Variants in NPHS1 observed in about 807,000 individuals in gnomAD.
NPHS1 encodes nephrin.
A neutral mutation model predicts 139.7 loss-of-function variants in NPHS1; 107 were observed. The ratio of observed to expected loss-of-function variants is 0.77; its 90% confidence interval spans 0.66 to 0.90. The LOEUF (loss-of-function observed/expected upper bound fraction) is 0.90. Ranked by LOEUF, NPHS1 falls within the 40% of genes least tolerant of loss-of-function variation. The pLI, the probability that NPHS1 is intolerant of heterozygous loss-of-function variation, is 0.00. For synonymous variants in NPHS1, 707 were observed against 706.6 expected, an observed-to-expected ratio of 1.00 and a Z score of -0.01; for missense variants, 1,580 against 1,654.2, an observed-to-expected ratio of 0.96 and a Z score of 0.78.
At position 35,830,871 on chromosome 19, in the gene NPHS1, C is replaced by G. The variant is rs367750930; in HGVS notation, c.3567G>C (p.Trp1189Cys). 1.2e-6 allele frequency: 2 copies of G among 1,613,210 alleles called. No individual in the cohort carries two copies. The highest frequency in any genetic ancestry group is 1.7e-6 in the Non-Finnish European group (2 of 1,179,238). ...VERTYPPSGA[W>C]GPLYDEVQMG... The stretch of plus-strand genomic sequence containing the variant: ...TCTGCACTTCATCGTAGAGGGGTCC[C>G]CAGGCTCCAGACGGGGGGTACGTTC... Residue 1189 changes from tryptophan (W) to cysteine (C), a missense_variant, in exon 28 of 29, where the codon TGG becomes TGC. By Grantham distance (215) the Trp-to-Cys change is radical (BLOSUM62 -2). Coordinates refer to ENST00000378910, the MANE Select transcript of NPHS1 (RefSeq NM_004646.4).
intron 4 of NPHS1, 39 bp from the exon 5 acceptor site, chr19:35,850,484 C>A: frequency 1.3e-6 from 2 of 1,553,848 alleles, no homozygotes; most frequent in Non-Finnish European, 1.8e-6. Flanking sequence ...TCCAGGCTCC[C>A]CGCAAGATAG....
chr19:35,848,797 G>T lies in NPHS1; in HGVS notation c.1013-3C>A. The T allele has an allele frequency of 6.2e-7, 1 of 1,614,212 alleles. No individual in the cohort carries two copies. The highest frequency in any genetic ancestry group is 1.7e-5 in the Admixed American group (1 of 60,028). On this transcript the variant is annotated splice_region_variant and splice_polypyrimidine_tract_variant and intron_variant, in intron 8 of 28. Coordinates refer to ENST00000378910, the MANE Select transcript of NPHS1 (RefSeq NM_004646.4). ...GATAATAATGGCACTAGGGGGAACT[G>T]CAGGGACAGAGAAGGAAGACACTAA...
At chr19:35,839,120 G>A in intron 22 of NPHS1, 117 bp downstream of exon 22, 1 of 964,632 alleles carries the variant, frequency 1.0e-6, no homozygotes, top group South Asian at 1.3e-5. Flanking sequence ...TGGACAATTT[G>A]CTTAACAGCT....
intron 23 of NPHS1, among the ~76,000 whole-genome samples, chr19:35,833,264 G>A (rs1271684981): frequency 1.3e-5 from 2 of 152,026 alleles, no homozygotes; most frequent in Non-Finnish European, 2.9e-5. Flanking sequence ...TATCCCTGAG[G>A]ACAAGGCTGA....
Position 35,851,523 on chromosome 19 carries a change from G to GCAGC in NPHS1, c.204_207dup (p.Leu70AlafsTer23). On this transcript the variant is annotated frameshift_variant, in exon 2 of 29. Transcript: ENST00000378910. LOFTEE classifies it high-confidence loss of function. ...GGGATCCTGGGGTCGGGGCCCAGGA[G>GCAGC]CAGCCCATCTTTGGCCCATTGCACC... The GCAGC allele has an allele frequency of 6.2e-7, 1 of 1,613,816 alleles. No homozygotes were observed. Among genetic ancestry groups the GCAGC allele is most frequent in the Non-Finnish European group, 8.5e-7 (1 of 1,180,020 alleles).
chr19:35,837,943 A>C (rs1972993319), intron 22 of NPHS1, among the ~76,000 whole-genome samples: 1 of 150,642 alleles, frequency 6.6e-6, no homozygotes, highest in African/African-American at 2.4e-5. Flanking sequence ...TCTCTTAAAA[A>C]AAAAAAAAAA....
chr19:35,825,452 G>A lies in NPHS1; in HGVS notation c.*1062C>T, dbSNP rs1451742448. ...CCATCTTAAGTGTAAAGTTCAATGA[G>A]TTTTGACAAATCTGTGCACCCGTGC... is the stretch of plus-strand genomic sequence containing the variant. On this transcript the variant is annotated 3_prime_UTR_variant, in exon 29 of 29. Coordinates refer to ENST00000378910, the MANE Select transcript of NPHS1 (RefSeq NM_004646.4). 1.3e-5 allele frequency among the ~76,000 whole-genome samples: 2 copies of A among 152,074 alleles called. No individual in the cohort carries two copies. The highest frequency in any genetic ancestry group is 6.6e-5 in the Admixed American group (1 of 15,252).
At chr19:35,827,935 A>C (rs1972819729) in intron 28 of NPHS1, among the ~76,000 whole-genome samples, 1 of 152,268 alleles carries the variant, frequency 6.6e-6, no homozygotes, top group Admixed American at 6.5e-5. Flanking sequence ...ATAAATAAAT[A>C]AAATTTTTAA....
intron 23 of NPHS1, among the ~76,000 whole-genome samples, chr19:35,832,886 CA>C (rs748346116): frequency 0.27 from 12,365 of 45,470 alleles, 490 homozygotes; most frequent in African/African-American, 0.34. Flanking sequence ...GACCCTGTCT[CA>C]AAAAAAAAAA....
In NPHS1 at chr19:35,831,476, C is replaced by G; in HGVS notation, c.3311G>C (p.Gly1104Ala). 1 of 1,614,012 alleles carries G rather than the reference C, an allele frequency of 6.2e-7. No homozygotes were observed. Among genetic ancestry groups the G allele is most frequent in the Non-Finnish European group, 8.5e-7 (1 of 1,180,004 alleles). The change falls in exon 25 of 29, where the codon GGG (glycine) becomes GCG (alanine). Residue 1104 changes from glycine to alanine, a missense_variant and splice_region_variant. Physicochemically the swap from Gly to Ala is moderately conservative, Grantham distance 60 (BLOSUM62 0). Transcript: ENST00000378910. Reference protein sequence around the residue: ...AEGISEKTEAGSEEDRVRNEY... With the variant: ...AEGISEKTEAASEEDRVRNEY... ...TTTACAGAAAAATATCCCCACTTAC[C>G]CTGCCTCTGTCTTCTCTGAGATGCC...
At chr19:35,831,537 T>C (rs1400239383) in intron 24 of NPHS1, 37 bp from the exon 25 acceptor site, 6 of 1,613,798 alleles carry the variant, frequency 3.7e-6, no homozygotes, top group South Asian at 3.3e-5. Context: ...AGTGACCCTA[T>C]GCAAGCCCCC....
Position 35,831,658 on chromosome 19 carries a change from T to G in NPHS1, c.3271A>C (p.Arg1091=), listed in dbSNP as rs778319724. The G allele has an allele frequency of 6.2e-7, 1 of 1,612,500 alleles. No homozygotes were observed. The highest frequency in any genetic ancestry group is 8.5e-7 in the Non-Finnish European group (1 of 1,179,524). ...VGGVLWQRRL[R]RLAEGISEKT... is the part of the protein sequence containing the mutation. ...CTCTCCTCACCCTCAGCAAGACGCC[T>G]GAGTCTCCGCTGCCAGAGGACCCCC... The change falls in exon 24 of 29, where the codon AGG becomes CGG. Residue 1091 remains arginine (R), a synonymous_variant. Coordinates refer to ENST00000378910, the MANE Select transcript of NPHS1 (RefSeq NM_004646.4).
At position 35,845,016 on chromosome 19, in the gene NPHS1, C is replaced by T. The variant is rs1423795818; in HGVS notation, c.1930+352G>A. Among the ~76,000 whole-genome samples, 1 of 152,138 alleles carries T rather than the reference C, an allele frequency of 6.6e-6. No homozygotes were observed. Among genetic ancestry groups the T allele is most frequent in the Non-Finnish European group, 1.5e-5 (1 of 68,020 alleles). Reference sequence around the variant, plus strand: ...AGCATAGTGGCACGCGCCTGTAATCCCAGCACTTTGAGAGGCCAACGCAGG... The same window carrying T: ...AGCATAGTGGCACGCGCCTGTAATCTCAGCACTTTGAGAGGCCAACGCAGG... On this transcript the variant is annotated intron_variant, in intron 14 of 28. Transcript: ENST00000378910. This position sits in a 1 kb window ranked among gnomAD's most constrained non-coding sequence, Gnocchi z 5.5.
rs1331535479 is a variant in NPHS1 at position 35,845,604 on chromosome 19, G to A, written c.1758-64C>T. 1.2e-6 allele frequency: 2 copies of A among 1,606,114 alleles called. No homozygotes were observed. The highest frequency in any genetic ancestry group is 3.4e-5 in the Admixed American group (2 of 59,082). ...CAGAGGCTGGAGAGGCACTAGGCGG[G>A]GGCGGGACATGCGTGGAGGGGGCGA... On this transcript the variant is annotated intron_variant, in intron 13 of 28. Coordinates refer to ENST00000378910, the MANE Select transcript of NPHS1 (RefSeq NM_004646.4). This position sits in a 1 kb window ranked among gnomAD's most constrained non-coding sequence, Gnocchi z 5.5.
At chr19:35,828,410 G>A (rs934201784) in intron 28 of NPHS1, among the ~76,000 whole-genome samples, 21 of 151,968 alleles carry the variant, frequency 1.4e-4, no homozygotes, top group Admixed American at 2.6e-4. Context: ...GACTACAGGC[G>A]CCAGCCACCA....
In NPHS1 at chr19:35,841,746, C is replaced by T. The variant is rs200265333; in HGVS notation, c.2784G>A (p.Ser928=). The change falls in exon 20 of 29, where the codon TCG becomes TCA. Residue 928 remains serine, a synonymous_variant. Transcript: ENST00000378910. ...TGACAAGTTGAATGTTGGTTTGGTC[C>T]GAGCCAAGGGCGTTGGTGGCTGTAC... ...FTCTATNALG[S]DQTNIQLVSI... 31 of 1,614,108 alleles carry T rather than the reference C, an allele frequency of 1.9e-5. No individual in the cohort carries two copies. In the Admixed American group the frequency reaches 2.5e-4, roughly 13 times the overall value.
chr19:35,830,913 C>A lies in NPHS1; in HGVS notation c.3525G>T (p.Leu1175Phe). 1 of 1,614,156 alleles carries A rather than the reference C, an allele frequency of 6.2e-7. No homozygotes were observed. The highest frequency in any genetic ancestry group is 8.5e-7 in the Non-Finnish European group (1 of 1,179,976). Residue 1175 changes from leucine to phenylalanine, a missense_variant, in exon 28 of 29, where the codon TTG becomes TTT. Coordinates refer to ENST00000378910, the MANE Select transcript of NPHS1 (RefSeq NM_004646.4). ...GGTACGTTCTTTCTACCTCATCATA[C>A]AAGTGCCCAGGGAAGGCCATATCCT... ...EDEDMAFPGH[L>F]YDEVERTYPP...
chr19:35,841,403 A>C (rs1008803302), intron 20 of NPHS1, among the ~76,000 whole-genome samples: 2 of 151,622 alleles, frequency 1.3e-5, no homozygotes, highest in Non-Finnish European at 2.9e-5. Context: ...ACAACAACAA[A>C]AAGAATGGAG....
Position 35,845,297 on chromosome 19 carries a change from AAAGGTAAGACCC to A in NPHS1, c.1930+59_1930+70del. The A allele has an allele frequency of 6.5e-7, 1 of 1,544,054 alleles. No homozygotes were observed. The highest frequency in any genetic ancestry group is 1.1e-5 in the South Asian group (1 of 89,386). On this transcript the variant is annotated intron_variant, in intron 14 of 28. Coordinates refer to ENST00000378910, the MANE Select transcript of NPHS1 (RefSeq NM_004646.4). The surrounding 1 kb of genome is among the most constrained non-coding windows in gnomAD (Gnocchi z 5.5). ...AGAGAGAAGAGAAAAAGAAGGAAAAAAAGGTAAGACCCAAGGAGTAGTTTAGGGTCAAGAAGG... is the reference window on the plus strand; with the variant it reads ...AGAGAGAAGAGAAAAAGAAGGAAAAAAAGGAGTAGTTTAGGGTCAAGAAGG...
Sources: gnomAD v4.1 joint callset for allele counts (sites outside exome capture counted in the v4.1 genomes callset) on GRCh38, gnomAD v4.1.1 for gene constraint, Gnocchi (gnomAD v3.1) non-coding constraint, MANE v1.5 for transcripts, NCBI Gene and HGNC (gene_info 2026-07-23, HGNC 2026-07-21) for gene names.